Variants in COL27A1 observed in about 807,000 individuals in gnomAD.
COL27A1 encodes collagen alpha-1(XXVII) chain.
In COL27A1, 106 loss-of-function variants were observed where a neutral mutation model predicts 251.3. The ratio of observed to expected loss-of-function variants is 0.42; its 90% CI spans 0.36 to 0.50. The LOEUF (loss-of-function observed/expected upper bound fraction) is 0.50. Among genes scored for constraint, COL27A1 ranks in the 20% least tolerant of loss-of-function variants. The pLI is 0.00. For synonymous variants in COL27A1, 1,000 were observed against 986.3 expected, an observed-to-expected ratio of 1.01 and a Z score of -0.26; for missense variants, 2,325 against 2,522.8, an observed-to-expected ratio of 0.92 and a Z score of 1.68.
intron 16 of COL27A1, among the ~76,000 whole-genome samples, chr9:114,234,392 A>G: frequency 6.6e-6 from 1 of 151,924 alleles, no homozygotes; most frequent in Non-Finnish European, 1.5e-5. Flanking sequence ...TGGGTTTTCT[A>G]AGGTTTTCCA....
In COL27A1 at chr9:114,208,773, G is replaced by GA. The variant is rs938914418; in HGVS notation, c.2269-901dup. Among the ~76,000 whole-genome samples the GA allele has an allele frequency of 4.5e-4, 68 of 152,296 alleles. 3 individuals carry two copies. The Middle Eastern group carries it at 0.041, about 91-fold the overall frequency. ...ACCGAGGTGCAAAAATGGCACTGGG[G>GA]ATGGGGGGGAGAGATTGCTTCCGGC... On this transcript the variant is annotated intron_variant, in intron 10 of 60. Transcript: ENST00000356083.
chr9:114,301,179 C>T, intron 52 of COL27A1, 54 bp downstream of exon 52: 1 of 1,611,570 alleles, frequency 6.2e-7, no homozygotes. Flanking sequence ...CTTCCTGGCT[C>T]CAGATTGTCT....
In COL27A1 at chr9:114,231,897, G is replaced by T. The variant is rs200353592; in HGVS notation, c.2565+31G>T. On this transcript the variant is annotated intron_variant, in intron 16 of 60. Coordinates refer to ENST00000356083, the MANE Select transcript of COL27A1 (RefSeq NM_032888.4). The stretch of plus-strand genomic sequence containing the variant: ...CTGAATACTCCCTTATTGCACTGTG[G>T]TTTCTCTGCATGCCACCCCCCTCTC... 15 of 1,610,722 alleles carry T rather than the reference G, an allele frequency of 9.3e-6. No homozygotes were observed. The East Asian group carries it at 3.3e-4, about 36-fold the overall frequency.
chr9:114,222,067 G>A (rs1434147609), intron 13 of COL27A1, among the ~76,000 whole-genome samples, 156 bp from the exon 14 acceptor site: 1 of 152,214 alleles, frequency 6.6e-6, no homozygotes. Context: ...CAAACTCCAG[G>A]CCAGGCTCAG....
intron 19 of COL27A1, 127 bp downstream of exon 19, chr9:114,237,842 G>A (rs1832501931): frequency 1.4e-6 from 1 of 729,174 alleles, no homozygotes. Context: ...ATGAGGCTGA[G>A]AGGAGAAACT....
At chr9:114,187,106 G>T (rs1324035792) in intron 5 of COL27A1, among the ~76,000 whole-genome samples, 1 of 152,250 alleles carries the variant, frequency 6.6e-6, no homozygotes, top group Non-Finnish European at 1.5e-5. Flanking sequence ...CAGAGGGCAG[G>T]CTCCATGGCC....
chr9:114,197,794 CCCCT>C (rs1398337658), intron 7 of COL27A1, among the ~76,000 whole-genome samples: 19 of 152,246 alleles, frequency 1.2e-4, no homozygotes, highest in African/African-American at 3.6e-4. Flanking sequence ...GCTCTGAGCT[CCCCT>C]CTGGCCCTGG....
chr9:114,185,340 A>G (rs1035358165), intron 5 of COL27A1, among the ~76,000 whole-genome samples: 3 of 152,232 alleles, frequency 2.0e-5, no homozygotes, highest in Admixed American at 2.0e-4. Context: ...GGACTTGCAT[A>G]AAATGCCAGG....
Position 114,284,771 on chromosome 9 carries a change from C to G in COL27A1, c.3981C>G (p.Gly1327=). The G allele has an allele frequency of 6.2e-7, 1 of 1,614,166 alleles. No homozygotes were observed. Among genetic ancestry groups the G allele is most frequent in the South Asian group, 1.1e-5 (1 of 91,084 alleles). ...CCCTTGGACCTCCTGGACCAAAAGG[C>G]GAAAAGGTGGGTGTTTGCTCTGGGG... ...VGPLGPPGPK[G]EKGEQGEDGK... is the part of the protein sequence containing the mutation. The change falls in exon 41 of 61, where the codon GGC becomes GGG. Residue 1327 remains glycine (G), a synonymous_variant. Transcript: ENST00000356083.
At chr9:114,242,998 A>G (rs1832861439) in intron 22 of COL27A1, among the ~76,000 whole-genome samples, 1 of 152,116 alleles carries the variant, frequency 6.6e-6, no homozygotes, top group Non-Finnish European at 1.5e-5. Flanking sequence ...CATTCAATCC[A>G]CTGACAATAT....
At chr9:114,187,992 C>T (rs1001564750) in intron 5 of COL27A1, among the ~76,000 whole-genome samples, 1 of 152,206 alleles carries the variant, frequency 6.6e-6, no homozygotes, top group Non-Finnish European at 1.5e-5. Context: ...GCAGGGCAGA[C>T]AAGCCCCAAA....
At chr9:114,219,022 G>T (rs576352615) in intron 12 of COL27A1, among the ~76,000 whole-genome samples, 62 of 151,906 alleles carry the variant, frequency 4.1e-4, no homozygotes, top group African/African-American at 1.4e-3. Context: ...AGGAGAACAG[G>T]TTTCCCCCAA....
intron 12 of COL27A1, among the ~76,000 whole-genome samples, chr9:114,212,815 C>T (rs972141497): frequency 6.6e-6 from 1 of 152,200 alleles, no homozygotes; most frequent in Non-Finnish European, 1.5e-5. Context: ...TCCTGGATGG[C>T]TGAGGGGATC....
intron 25 of COL27A1, among the ~76,000 whole-genome samples, chr9:114,251,234 G>T (rs924098022): frequency 6.6e-6 from 1 of 152,108 alleles, no homozygotes; most frequent in Admixed American, 6.6e-5. Flanking sequence ...GGGTTTATCC[G>T]ATCCCCAGAG....
intron 5 of COL27A1, among the ~76,000 whole-genome samples, chr9:114,184,298 C>T (rs952188615): frequency 1.3e-5 from 2 of 152,232 alleles, no homozygotes; most frequent in African/African-American, 4.8e-5. Context: ...TGGCTCCAGG[C>T]CATGCACAGT....
chr9:114,239,378 T>G (rs972653591), intron 19 of COL27A1, among the ~76,000 whole-genome samples: 3 of 152,234 alleles, frequency 2.0e-5, no homozygotes, highest in African/African-American at 7.2e-5. Context: ...CATTTAAACT[T>G]AAGACTAGCC....
intron 25 of COL27A1, among the ~76,000 whole-genome samples, chr9:114,252,022 CAG>C (rs1315138529): frequency 6.6e-6 from 1 of 152,212 alleles, no homozygotes; most frequent in Non-Finnish European, 1.5e-5. Flanking sequence ...ATACAAGAAA[CAG>C]AGCCTCACGA....
intron 49 of COL27A1, among the ~76,000 whole-genome samples, chr9:114,292,998 C>T (rs995547918): frequency 6.6e-6 from 1 of 152,184 alleles, no homozygotes; most frequent in Non-Finnish European, 1.5e-5. Flanking sequence ...CACAATTATA[C>T]TCAAGGATTT....
At chr9:114,271,486 A>G (rs1308807349) in intron 36 of COL27A1, 1 of 152,448 alleles carries the variant, frequency 6.6e-6, no homozygotes, top group African/African-American at 2.4e-5. Context: ...CCAAAATTCA[A>G]ACCCACGGCT....
Sources: allele counts gnomAD v4.1 joint callset (sites outside exome capture counted in the v4.1 genomes callset), GRCh38; gene constraint gnomAD v4.1.1; transcripts MANE v1.5; gene names NCBI Gene and HGNC (gene_info 2026-07-23, HGNC 2026-07-21).